Variants in ZNF827 observed in about 807,000 individuals in gnomAD.
ZNF827 encodes the protein zinc finger protein 827.
ZNF827 carries 13 observed loss-of-function variants against 102.4 expected under a neutral mutation model. The ratio of observed to expected loss-of-function variants is 0.13; its 90% CI spans 0.08 to 0.20. The LOEUF (loss-of-function observed/expected upper bound fraction) is 0.20, where lower values mean the gene tolerates loss of function less well. Among genes scored for constraint, ZNF827 ranks in the 10% least tolerant of loss-of-function variants. The pLI is 1.00. For missense variants in ZNF827, 1,103 were observed against 1,344.4 expected, an observed-to-expected ratio of 0.82 and a Z score of 2.81; for synonymous variants, 523 against 536.2, an observed-to-expected ratio of 0.98 and a Z score of 0.34.
chr4:145,930,867 G>GCA lies in ZNF827; in HGVS notation c.43+7497_43+7498insTG, dbSNP rs1461808474. ...TGTGTGTGTGTGCGCGCGCATGTGT[G>GCA]TACATGCAGTGAAGCTAACTTTTAA... On this transcript the variant is annotated intron_variant, in intron 1 of 14. Coordinates refer to ENST00000508784, the MANE Select transcript of ZNF827 (RefSeq NM_001306215.2). Among the ~76,000 whole-genome samples the GCA allele has an allele frequency of 7.6e-4, 115 of 152,264 alleles. 1 individual carries two copies. Among genetic ancestry groups the GCA allele is most frequent in the Non-Finnish European group, 1.2e-3 (81 of 68,020 alleles).
At chr4:145,912,281 C>T (rs1579552265) in intron 1 of ZNF827, among the ~76,000 whole-genome samples, 2 of 152,290 alleles carry the variant, frequency 1.3e-5, no homozygotes, top group East Asian at 3.9e-4. Flanking sequence ...AGCAGTTTGT[C>T]CCTCCATTGA....
At chr4:145,843,069 AT>A (rs1019774791) in intron 7 of ZNF827, among the ~76,000 whole-genome samples, 6 of 151,096 alleles carry the variant, frequency 4.0e-5, no homozygotes, top group Non-Finnish European at 5.9e-5. Context: ...GAAAATTGGC[AT>A]TTTTTTTTCT....
rs6832691 is a variant in ZNF827 at position 145,774,440 on chromosome 4, G to A, written c.2860+66C>T. 8.1e-3 allele frequency: 12,490 copies of A among 1,539,950 alleles called. 809 individuals are homozygous for A. In the African/African-American group the frequency reaches 0.15, roughly 18 times the overall value. On this transcript the variant is annotated intron_variant, in intron 11 of 14. Transcript: ENST00000508784. ...AGGGCAGTGGGGATGCTTCGGCCAG[G>A]TGGCAGGTGCTCTGGGGTGCAGGGG...
At chr4:145,897,358 G>T (rs1172585883) in intron 2 of ZNF827, among the ~76,000 whole-genome samples, 1 of 152,182 alleles carries the variant, frequency 6.6e-6, no homozygotes, top group Non-Finnish European at 1.5e-5. Flanking sequence ...CCTATGTGGT[G>T]ATTTGCAGCA....
At chr4:145,860,137 T>C (rs1385997694) in intron 5 of ZNF827, among the ~76,000 whole-genome samples, 1 of 152,210 alleles carries the variant, frequency 6.6e-6, no homozygotes, top group Non-Finnish European at 1.5e-5. Context: ...GATTTCCAAG[T>C]GAAAGTTCTT....
At chr4:145,773,038 G>A (rs1394343959) in intron 11 of ZNF827, among the ~76,000 whole-genome samples, 1 of 152,152 alleles carries the variant, frequency 6.6e-6, no homozygotes, top group Non-Finnish European at 1.5e-5. Context: ...GGATGGGAGG[G>A]AGGAAGGTTT....
At chr4:145,925,269 A>T (rs187707760) in intron 1 of ZNF827, among the ~76,000 whole-genome samples, 15 of 152,262 alleles carry the variant, frequency 9.9e-5, no homozygotes, top group African/African-American at 3.1e-4. Context: ...ACACAGGAAA[A>T]CCATATCAGC....
At chr4:145,935,542 G>C (rs1436876541) in intron 1 of ZNF827, among the ~76,000 whole-genome samples, 1 of 152,196 alleles carries the variant, frequency 6.6e-6, no homozygotes, top group Non-Finnish European at 1.5e-5. Flanking sequence ...AAAGGTAAGT[G>C]GAAAAGCTTA....
intron 8 of ZNF827, among the ~76,000 whole-genome samples, chr4:145,794,158 T>C (rs538609806): frequency 2.6e-5 from 4 of 152,340 alleles, no homozygotes; most frequent in African/African-American, 9.6e-5. Context: ...TTTTGGCCTG[T>C]GAACATTTGT....
chr4:145,919,696 T>C (rs1442134243), intron 1 of ZNF827, among the ~76,000 whole-genome samples: 2 of 152,232 alleles, frequency 1.3e-5, no homozygotes, highest in Non-Finnish European at 1.5e-5. Flanking sequence ...AGGGTATTAA[T>C]ACTGCTCTCT....
chr4:145,932,468 T>C (rs931547973), intron 1 of ZNF827, among the ~76,000 whole-genome samples: 6 of 140,230 alleles, frequency 4.3e-5, no homozygotes. Context: ...TTAATAGAAC[T>C]CCTTGTATTT....
intron 2 of ZNF827, among the ~76,000 whole-genome samples, chr4:145,899,224 A>G (rs1334313533): frequency 6.6e-6 from 1 of 150,866 alleles, no homozygotes; most frequent in Non-Finnish European, 1.5e-5. Flanking sequence ...CATTTCCATA[A>G]TGCTTCTTAG....
chr4:145,830,275 G>GTT lies in ZNF827; in HGVS notation c.2280-6752_2280-6751dup, dbSNP rs71592423. ...GGCCTTGCCAAAAGACAAAAAAAGT[G>GTT]TTTTTTTTTTAATGCTTCTTAAACA... On this transcript the variant is annotated intron_variant, in intron 7 of 14. Transcript: ENST00000508784. Among the ~76,000 whole-genome samples, 1,149 of 148,018 alleles carry GTT rather than the reference G, an allele frequency of 7.8e-3. 19 individuals are homozygous for GTT. Among genetic ancestry groups the GTT allele is most frequent in the East Asian group, 0.039 (199 of 5,106 alleles).
chr4:145,894,335 T>C (rs539288106), intron 2 of ZNF827, among the ~76,000 whole-genome samples: 50 of 152,264 alleles, frequency 3.3e-4, no homozygotes, highest in Non-Finnish European at 5.4e-4. Flanking sequence ...CACTGAAGGA[T>C]TGTGGATTAA....
At chr4:145,890,594 G>T (rs971605881) in intron 3 of ZNF827, among the ~76,000 whole-genome samples, 1 of 152,146 alleles carries the variant, frequency 6.6e-6, no homozygotes, top group Non-Finnish European at 1.5e-5. Flanking sequence ...TTTTCTGCTC[G>T]CTGAAGCTTT....
At chr4:145,808,783 T>G (rs908995477) in intron 8 of ZNF827, among the ~76,000 whole-genome samples, 1 of 152,182 alleles carries the variant, frequency 6.6e-6, no homozygotes, top group African/African-American at 2.4e-5. Context: ...GTCACAGTTA[T>G]GTATTTGCTT....
chr4:145,781,799 C>T (rs1021878122), intron 8 of ZNF827, among the ~76,000 whole-genome samples: 5 of 152,082 alleles, frequency 3.3e-5, no homozygotes, highest in East Asian at 3.8e-4. Flanking sequence ...AGAACAATAA[C>T]GGTAATAATT....
intron 4 of ZNF827, among the ~76,000 whole-genome samples, chr4:145,874,231 G>T (rs1217655817): frequency 6.6e-6 from 1 of 152,198 alleles, no homozygotes; most frequent in East Asian, 1.9e-4. Flanking sequence ...AAAGGCAATA[G>T]GCAAGCTGTA....
intron 8 of ZNF827, among the ~76,000 whole-genome samples, chr4:145,806,767 G>A (rs971734160): frequency 6.6e-6 from 1 of 151,938 alleles, no homozygotes; most frequent in Non-Finnish European, 1.5e-5. Context: ...ACCCTCCCAC[G>A]GCAGCTATTA....
Sources: gnomAD v4.1 joint callset for allele counts (sites outside exome capture counted in the v4.1 genomes callset) on GRCh38, gnomAD v4.1.1 for gene constraint, MANE v1.5 for transcripts, NCBI Gene and HGNC (gene_info 2026-07-23, HGNC 2026-07-21) for gene names.